The following TOB1 variants were observed in gnomAD, a reference collection of about 807,000 sequenced individuals.
TOB1 encodes the protein protein Tob1.
A neutral mutation model predicts 22.9 loss-of-function variants in TOB1; 2 were observed. The observed-to-expected ratio is 0.09, with a 90% confidence interval of 0.04 to 0.28. TOB1 has a LOEUF of 0.28. Ranked by LOEUF, TOB1 falls within the 10% of genes least tolerant of loss-of-function variation. The probability of loss-of-function intolerance (pLI) is 1.00; values close to 1 mark genes in which losing one functional copy is unlikely to be tolerated. For synonymous variants in TOB1, 154 were observed against 150.6 expected (o/e 1.02, Z -0.17); for missense variants, 299 against 420.5 (o/e 0.71, Z 2.53).
upstream of TOB1, chr17:50,867,149 C>T (rs1014609929): frequency 6.6e-6 from 1 of 152,324 alleles, no homozygotes; most frequent in Admixed American, 6.5e-5. Context: ...GGCTGCGACT[C>T]GGATCCGTTT....
chr17:50,865,711 G>A (rs945779110), intron 1 of TOB1, among the ~76,000 whole-genome samples: 2 of 152,036 alleles, frequency 1.3e-5, no homozygotes, highest in African/African-American at 2.4e-5. Flanking sequence ...GGGAGCACCG[G>A]TTCCTCGGCA....
In TOB1 at chr17:50,863,521, G is replaced by A; in HGVS notation, c.497C>T (p.Thr166Ile). The part of the protein sequence containing the change: ...PFGHSAAVSP[T>I]FMPRSTQPLT... ...AGGCTGAGTGGACCGGGGCATGAAG[G>A]TAGGGCTTACAGCAGCAGAGTGACC... The change falls in exon 2 of 2, where the codon ACC becomes ATC. Residue 166 changes from threonine to isoleucine, a missense_variant. Physicochemically the swap from Thr to Ile is moderately conservative, Grantham distance 89. Coordinates refer to ENST00000499247, the MANE Select transcript of TOB1 (RefSeq NM_005749.4). 1 of 1,614,176 alleles carries A rather than the reference G, an allele frequency of 6.2e-7. No individual in the cohort carries two copies. Among genetic ancestry groups the A allele is most frequent in the Non-Finnish European group, 8.5e-7 (1 of 1,180,032 alleles).
At position 50,862,580 on chromosome 17, in the gene TOB1, T is replaced by C. The variant is rs2143335156; in HGVS notation, c.*400A>G. ...CTGCTGCTGTCACAGATCACTGTAG[T>C]AAAAAGATATAAATGCAATACCATG... On this transcript the variant is annotated 3_prime_UTR_variant, in exon 2 of 2. Transcript: ENST00000499247. 1 of 157,346 alleles carries C rather than the reference T, an allele frequency of 6.4e-6. No homozygotes were observed. The highest frequency in any genetic ancestry group is 2.0e-4 in the South Asian group (1 of 4,944). The allele number at this position is 157,346 out of a possible 1,614,324, so 9.7% of individuals were successfully genotyped here. A position where few individuals can be genotyped will look rare whatever the true frequency, so the allele number is the denominator to read the frequency against.
intron 1 of TOB1, among the ~76,000 whole-genome samples, chr17:50,865,745 G>A (rs925613896): frequency 1.3e-5 from 2 of 152,058 alleles, no homozygotes; most frequent in African/African-American, 4.8e-5. Flanking sequence ...CGCGGCCACC[G>A]GCCCCTCGAA....
At chr17:50,864,654 A>G (rs1169883831) in intron 1 of TOB1, among the ~76,000 whole-genome samples, 3 of 152,212 alleles carry the variant, frequency 2.0e-5, no homozygotes, top group African/African-American at 7.2e-5. Flanking sequence ...TCTGTCACTG[A>G]CATTTAAAAA....
Position 50,863,111 on chromosome 17 carries a change from A to C in TOB1, c.907T>G (p.Tyr303Asp), listed in dbSNP as rs768018257. ...DSPLNLSPLQ[Y>D]SNAFDVFAAY... is the part of the protein sequence containing the mutation. ...GCAAACACATCAAAGGCATTACTGT[A>C]CTGGAGAGGACTGAGGTTAAGGGGG... The change falls in exon 2 of 2, where the codon TAC becomes GAC. Residue 303 changes from tyrosine to aspartate, a missense_variant. Transcript: ENST00000499247. 1.2e-6 allele frequency: 2 copies of C among 1,614,196 alleles called. No individual in the cohort carries two copies. Among genetic ancestry groups the C allele is most frequent in the Admixed American group, 1.7e-5 (1 of 60,004 alleles).
Position 50,862,909 on chromosome 17 carries a change from C to A in TOB1, c.*71G>T. Reference sequence around the variant, plus strand: ...TACTATAAGCTTAAAAAAAAAAATTCTCAAGGAGGTGAAAAAAAAAATCCC... The same window carrying A: ...TACTATAAGCTTAAAAAAAAAAATTATCAAGGAGGTGAAAAAAAAAATCCC... On this transcript the variant is annotated 3_prime_UTR_variant, in exon 2 of 2. Transcript: ENST00000499247. 1.4e-6 allele frequency: 2 copies of A among 1,474,714 alleles called. No individual in the cohort carries two copies. The highest frequency in any genetic ancestry group is 2.5e-5 in the Admixed American group (1 of 40,008). 91.4% of individuals were successfully genotyped at this position (1,474,714 alleles called of 1,614,324 possible). A position where few individuals can be genotyped will look rare whatever the true frequency, so the allele number is the denominator to read the frequency against.
chr17:50,862,461 C>T lies in TOB1; in HGVS notation c.*519G>A, dbSNP rs1972228442. The T allele has an allele frequency of 6.6e-6, 1 of 152,214 alleles. No homozygotes were observed. Among genetic ancestry groups the T allele is most frequent in the Admixed American group, 6.6e-5 (1 of 15,264 alleles). 9.4% of individuals were successfully genotyped at this position (152,214 alleles called of 1,614,324 possible). ...CAAGTATTCGTACATTTTAATTCCACCACTAAAGGAATATCCTGTACACAA... is the reference window on the plus strand; with the variant it reads ...CAAGTATTCGTACATTTTAATTCCATCACTAAAGGAATATCCTGTACACAA... On this transcript the variant is annotated 3_prime_UTR_variant, in exon 2 of 2. Transcript: ENST00000499247.
chr17:50,862,904 A>G lies in TOB1; in HGVS notation c.*76T>C. ...ATCCTTACTATAAGCTTAAAAAAAA[A>G]AATTCTCAAGGAGGTGAAAAAAAAA... On this transcript the variant is annotated 3_prime_UTR_variant, in exon 2 of 2. Transcript: ENST00000499247. 6.7e-7 allele frequency: 1 copy of G among 1,484,446 alleles called. No homozygotes were observed. Among genetic ancestry groups the G allele is most frequent in the East Asian group, 2.3e-5 (1 of 43,214 alleles). The allele number at this position is 1,484,446 out of a possible 1,614,324, so 92.0% of individuals were successfully genotyped here. A position where few individuals can be genotyped will look rare whatever the true frequency, so the allele number is the denominator to read the frequency against.
At chr17:50,864,275 C>G in intron 1 of TOB1, 112 bp from the exon 2 acceptor site, 1 of 492,534 alleles carries the variant, frequency 2.0e-6, no homozygotes, top group Non-Finnish European at 3.0e-6. Context: ...CTGTGTTAGT[C>G]TGCTAAGGAT....
chr17:50,867,316 A>G (rs1972327143), upstream of TOB1: 1 of 152,284 alleles, frequency 6.6e-6, no homozygotes, highest in South Asian at 2.1e-4. Context: ...CCTGCTTGTA[A>G]AGCGCGTTTA....
In TOB1 at chr17:50,864,152, GT is replaced by G. The variant is rs1198033488; in HGVS notation, c.-136del. On this transcript the variant is annotated 5_prime_UTR_variant, in exon 2 of 2. Coordinates refer to ENST00000499247, the MANE Select transcript of TOB1 (RefSeq NM_005749.4). ...ATTAGTAGATTATCCTTCACCTTGA[GT>G]GATCTTGTTCCTTAAAACAAAAGCA... 2 of 1,392,248 alleles carry G rather than the reference GT, an allele frequency of 1.4e-6. No homozygotes were observed. The highest frequency in any genetic ancestry group is 5.2e-5 in the East Asian group (2 of 38,370). The allele number at this position is 1,392,248 out of a possible 1,614,324, so 86.2% of individuals were successfully genotyped here. A position where few individuals can be genotyped will look rare whatever the true frequency, so the allele number is the denominator to read the frequency against.
Position 50,866,049 on chromosome 17 carries a change from G to C in TOB1, c.-147+9C>G, listed in dbSNP as rs975093451. The C allele has an allele frequency of 2.6e-5, 4 of 151,220 alleles. No individual in the cohort carries two copies. Among genetic ancestry groups the C allele is most frequent in the Non-Finnish European group, 5.9e-5 (4 of 67,742 alleles). The allele number at this position is 151,220 out of a possible 1,614,324, so 9.4% of individuals were successfully genotyped here. ...TCGCCGACCCCGCCCGGCGCCCCGA[G>C]ATACTTACGGGCTGCTTCGGGGCGG... On this transcript the variant is annotated intron_variant, in intron 1 of 1. Coordinates refer to ENST00000499247, the MANE Select transcript of TOB1 (RefSeq NM_005749.4).
At chr17:50,865,225 A>G (rs76008726) in intron 1 of TOB1, among the ~76,000 whole-genome samples, 18,319 of 152,246 alleles carry the variant, frequency 0.12, 1,427 homozygotes, top group Non-Finnish European at 0.18. Context: ...GTGGTGACAA[A>G]GGGAAAAAGA....
At chr17:50,864,686 AT>A (rs548711506) in intron 1 of TOB1, among the ~76,000 whole-genome samples, 116 of 152,344 alleles carry the variant, frequency 7.6e-4, no homozygotes, top group African/African-American at 2.7e-3. Context: ...TAGGAAGATC[AT>A]TTTAATTTCC....
chr17:50,867,888 G>A (rs1358297355), upstream of TOB1: 1 of 152,266 alleles, frequency 6.6e-6, no homozygotes, highest in African/African-American at 2.4e-5. Context: ...GCCAGGCCTA[G>A]AAGCTTTTGG....
Position 50,863,964 on chromosome 17 carries a change from A to G in TOB1, c.54T>C (p.Asn18=), listed in dbSNP as rs777086123. 2.5e-6 allele frequency: 4 copies of G among 1,607,434 alleles called. No homozygotes were observed. The South Asian group carries it at 4.4e-5, about 18-fold the overall frequency. Residue 18 remains asparagine (N), a synonymous_variant, in exon 2 of 2, where the codon AAT becomes AAC. Transcript: ENST00000499247. ...TGTTGACACGTCTCCTGGGAAGCTT[A>G]TTGTACAAATACGAAATAATAAAAT... ...ALNFIISYLY[N]KLPRRRVNIF...
chr17:50,865,770 C>T (rs901397562), intron 1 of TOB1, among the ~76,000 whole-genome samples: 1 of 152,084 alleles, frequency 6.6e-6, no homozygotes, highest in East Asian at 1.9e-4. Flanking sequence ...AGCGTTCCAC[C>T]GCGAGCTCGT....
At chr17:50,866,434 C>CCGCGTCACACAGCTCCGGCGG (rs1972310172), upstream of TOB1, 1 of 151,796 alleles carries the variant, frequency 6.6e-6, no homozygotes, top group Admixed American at 6.6e-5. Flanking sequence ...CGCGCCCGCT[C>CCGCGTCACACAGCTCCGGCGG]CGCGTCACAC....
Sources: gnomAD v4.1 joint callset for allele counts (sites outside exome capture counted in the v4.1 genomes callset) on GRCh38, gnomAD v4.1.1 for gene constraint, MANE v1.5 for transcripts, NCBI Gene and HGNC (gene_info 2026-07-23, HGNC 2026-07-21) for gene names.